CREB5: variants seen among roughly 807,000 people sequenced by gnomAD.
CREB5 encodes the protein cyclic AMP-responsive element-binding protein 5.
In CREB5, 19 loss-of-function variants were observed where a neutral mutation model predicts 57.1. That is an observed-to-expected ratio of 0.33 (90% confidence interval 0.23 to 0.49). The LOEUF (loss-of-function observed/expected upper bound fraction) is 0.49, where lower values mean the gene tolerates loss of function less well. Ranked by LOEUF, CREB5 falls within the 20% of genes least tolerant of loss-of-function variation. The pLI is 0.99. For synonymous variants in CREB5, 238 were observed against 238.3 expected (o/e 1.00, Z 0.01); for missense variants, 579 against 671.6 (o/e 0.86, Z 1.52).
At chr7:28,520,303 G>A (rs1793151007) in intron 4 of CREB5, among the ~76,000 whole-genome samples, 1 of 152,172 alleles carries the variant, frequency 6.6e-6, no homozygotes, top group Admixed American at 6.5e-5. Flanking sequence ...GCATCCTCCT[G>A]CCTCAGGCTT....
intron 1 of CREB5, among the ~76,000 whole-genome samples, chr7:28,479,632 G>A (rs183567440): frequency 2.2e-4 from 33 of 152,246 alleles, no homozygotes; most frequent in African/African-American, 7.5e-4. Flanking sequence ...TGTGTTCAAC[G>A]GACATCGTGA....
chr7:28,391,945 T>C (rs186412741), intron 1 of CREB5, among the ~76,000 whole-genome samples: 38 of 147,860 alleles, frequency 2.6e-4, no homozygotes, highest in African/African-American at 9.9e-4. Flanking sequence ...CCAAAGGGAA[T>C]TTTTTCACAA....
chr7:28,634,438 C>T (rs1021996246), intron 5 of CREB5, among the ~76,000 whole-genome samples: 2 of 152,146 alleles, frequency 1.3e-5, no homozygotes, highest in Non-Finnish European at 2.9e-5. Context: ...ATTGTTACAT[C>T]ATTTTGAAAT....
In CREB5 at chr7:28,473,662, T is replaced by G. The variant is rs1323750399; in HGVS notation, c.4-14513T>G. On this transcript the variant is annotated intron_variant, in intron 1 of 10. Transcript: ENST00000357727. The stretch of plus-strand genomic sequence containing the variant: ...AAGACAGTGGCTTTCCCAGATGCCT[T>G]AAGAACGCTGACCCTGCACTGTGCT... 2.0e-5 allele frequency among the ~76,000 whole-genome samples: 3 copies of G among 152,174 alleles called. No individual in the cohort carries two copies. The East Asian group carries it at 5.8e-4, about 29-fold the overall frequency.
chr7:28,499,542 G>A (rs567394293), intron 3 of CREB5, among the ~76,000 whole-genome samples: 2 of 152,258 alleles, frequency 1.3e-5, no homozygotes, highest in East Asian at 1.9e-4. Context: ...CATCTCATGT[G>A]GGAAGCCTAA....
At chr7:28,412,938 G>A (rs1297251183) in intron 1 of CREB5, 21 bp downstream of exon 1, 12 of 1,445,296 alleles carry the variant, frequency 8.3e-6, no homozygotes, top group East Asian at 2.5e-5. Flanking sequence ...TGTTTATTAT[G>A]CATATTAAAC....
At chr7:28,321,661 G>A (rs1785497690) in intron 1 of CREB5, among the ~76,000 whole-genome samples, 1 of 152,202 alleles carries the variant, frequency 6.6e-6, no homozygotes, top group South Asian at 2.1e-4. Flanking sequence ...GAGAGGGTTG[G>A]CAGAGAACCC....
chr7:28,457,187 C>T (rs1339216604), intron 1 of CREB5, among the ~76,000 whole-genome samples: 1 of 152,152 alleles, frequency 6.6e-6, no homozygotes, highest in Non-Finnish European at 1.5e-5. Flanking sequence ...GAGGATGAAG[C>T]CCTCATGACC....
chr7:28,398,712 ATT>A (rs1257526670), intron 1 of CREB5, among the ~76,000 whole-genome samples: 1 of 152,062 alleles, frequency 6.6e-6, no homozygotes, highest in Non-Finnish European at 1.5e-5. Context: ...GACAATTAAT[ATT>A]ATTATTATTA....
chr7:28,707,273 TTAAA>T (rs1181785139), intron 5 of CREB5, among the ~76,000 whole-genome samples: 1 of 152,246 alleles, frequency 6.6e-6, no homozygotes, highest in African/African-American at 2.4e-5. Context: ...CACTCATCTC[TTAAA>T]TAGATTATGC....
At chr7:28,546,074 C>G (rs541659012) in intron 4 of CREB5, among the ~76,000 whole-genome samples, 1 of 152,168 alleles carries the variant, frequency 6.6e-6, no homozygotes, top group Admixed American at 6.5e-5. Context: ...CCTAGGCAAC[C>G]AGAATCTACT....
chr7:28,703,357 A>G (rs1257110131), intron 5 of CREB5, among the ~76,000 whole-genome samples: 1 of 152,198 alleles, frequency 6.6e-6, no homozygotes, highest in Non-Finnish European at 1.5e-5. Flanking sequence ...TAATGACTAA[A>G]TTCTGCTAAT....
chr7:28,659,526 T>G (rs1400471363), intron 5 of CREB5, among the ~76,000 whole-genome samples: 1 of 152,218 alleles, frequency 6.6e-6, no homozygotes, highest in Non-Finnish European at 1.5e-5. Context: ...TTATTGTTAA[T>G]CCTCATGGTA....
At chr7:28,787,165 TTAAC>T (rs1178609022) in intron 7 of CREB5, among the ~76,000 whole-genome samples, 1 of 152,106 alleles carries the variant, frequency 6.6e-6, no homozygotes, top group Non-Finnish European at 1.5e-5. Flanking sequence ...GCCTGTGGGT[TTAAC>T]TAACTCTGCC....
At position 28,457,111 on chromosome 7, in the gene CREB5, C is replaced by T. The variant is rs186303354; in HGVS notation, c.4-31064C>T. Among the ~76,000 whole-genome samples, 127 of 152,250 alleles carry T rather than the reference C, an allele frequency of 8.3e-4. 2 individuals are homozygous for T. Among genetic ancestry groups the T allele is most frequent in the African/African-American group, 2.9e-3 (122 of 41,558 alleles). ...GAGAAAATGGGGCTGAATGTATTCT[C>T]TTATTAGGAGCCCACTCCCACGACC... On this transcript the variant is annotated intron_variant, in intron 1 of 10. Coordinates refer to ENST00000357727, the MANE Select transcript of CREB5 (RefSeq NM_182898.4).
chr7:28,400,162 A>G (rs960395511), intron 1 of CREB5, among the ~76,000 whole-genome samples: 1 of 152,200 alleles, frequency 6.6e-6, no homozygotes, highest in Non-Finnish European at 1.5e-5. Context: ...AGTGTCTTGA[A>G]ATAAAAACAC....
At chr7:28,371,035 A>G (rs1786695774) in intron 1 of CREB5, among the ~76,000 whole-genome samples, 1 of 152,256 alleles carries the variant, frequency 6.6e-6, no homozygotes, top group Non-Finnish European at 1.5e-5. Context: ...GGATTGAGCC[A>G]AAGCCAAGAA....
Position 28,359,669 on chromosome 7 carries a change from G to A in CREB5, c.-25+60228G>A, listed in dbSNP as rs201844328. Among the ~76,000 whole-genome samples the A allele has an allele frequency of 2.9e-4, 44 of 152,180 alleles. No individual in the cohort carries two copies. In the East Asian group the frequency reaches 5.0e-3, roughly 17 times the overall value. On this transcript the variant is annotated intron_variant, in intron 1 of 9. Transcript: ENST00000396299. ...CACAACACTGGTCTAGGCAATGATC[G>A]TTTGCATTGGACCTCAAAAGCTCAG...
intron 5 of CREB5, among the ~76,000 whole-genome samples, chr7:28,639,021 T>A (rs547018472): frequency 1.4e-4 from 21 of 152,356 alleles, no homozygotes; most frequent in African/African-American, 5.0e-4. Flanking sequence ...GTCTTTTTAA[T>A]GAAATATATT....
Sources: gnomAD v4.1 joint callset for allele counts (sites outside exome capture counted in the v4.1 genomes callset) on GRCh38, gnomAD v4.1.1 for gene constraint, MANE v1.5 for transcripts, NCBI Gene and HGNC (gene_info 2026-07-23, HGNC 2026-07-21) for gene names.